TASP1: variants seen among roughly 807,000 people sequenced by gnomAD.
TASP1 encodes threonine aspartase 1.
In TASP1, 16 loss-of-function variants were observed where a neutral mutation model predicts 56.6. That is an observed-to-expected ratio of 0.28 (90% confidence interval 0.19 to 0.43). The LOEUF (loss-of-function observed/expected upper bound fraction) is 0.43. TASP1 is among the 20% of genes least tolerant of loss of function. The pLI, the probability that TASP1 is intolerant of heterozygous loss-of-function variation, is 1.00. For missense variants in TASP1, 393 were observed against 511.6 expected (o/e 0.77, Z 2.24); for synonymous variants, 179 against 184.2 (o/e 0.97, Z 0.23).
the TASP1 span, chr20:13,288,405 C>T: frequency 3.3e-6 from 3 of 905,464 alleles, no homozygotes; most frequent in South Asian, 5.3e-5. Context: ...CTTTTAGCTC[C>T]AGCTGAAAAG....
At chr20:13,242,352 GATTT>G in the TASP1 span, among the ~76,000 whole-genome samples, 1 of 152,204 alleles carries the variant, frequency 6.6e-6, no homozygotes, top group African/African-American at 2.4e-5. Flanking sequence ...AAAGGAGCAG[GATTT>G]GTTTGTTCAG....
chr20:13,197,230 AT>A, the TASP1 span, among the ~76,000 whole-genome samples: 5 of 152,210 alleles, frequency 3.3e-5, no homozygotes, highest in African/African-American at 1.2e-4. Flanking sequence ...AGGTAAGACT[AT>A]TTGTTTCATC....
At chr20:13,312,997 G>A in the TASP1 span, among the ~76,000 whole-genome samples, 5 of 152,124 alleles carry the variant, frequency 3.3e-5, no homozygotes, top group African/African-American at 1.2e-4. Context: ...TAAAATTTGA[G>A]CCTCATCTGC....
chr20:13,477,506 G>A (rs1037432357), intron 11 of TASP1, among the ~76,000 whole-genome samples: 2 of 152,010 alleles, frequency 1.3e-5, no homozygotes, highest in Non-Finnish European at 2.9e-5. Context: ...GTTAAGTACT[G>A]AGCAGGAATC....
At chr20:13,292,479 T>G in the TASP1 span, 2 of 1,527,256 alleles carry the variant, frequency 1.3e-6, no homozygotes, top group Non-Finnish European at 1.8e-6. Flanking sequence ...ATTTTTTTCT[T>G]TTTTAATCCA....
At chr20:13,383,653 T>C in the TASP1 span, among the ~76,000 whole-genome samples, 1 of 152,314 alleles carries the variant, frequency 6.6e-6, no homozygotes, top group Middle Eastern at 3.4e-3. Context: ...TGTGGAAAGA[T>C]GCTGTAGAGA....
At chr20:13,604,265 G>T (rs981414965) in intron 4 of TASP1, among the ~76,000 whole-genome samples, 2 of 152,102 alleles carry the variant, frequency 1.3e-5, no homozygotes, top group Non-Finnish European at 2.9e-5. Flanking sequence ...CTGGGTCATG[G>T]GGGCGGATAC....
At chr20:13,367,186 A>G in the TASP1 span, among the ~76,000 whole-genome samples, 111 of 152,354 alleles carry the variant, frequency 7.3e-4, no homozygotes, top group African/African-American at 2.6e-3. Context: ...AGAGTAATAG[A>G]TTTTACACGC....
rs2048404411 is a variant in TASP1 at position 13,613,110 on chromosome 20, C to T, written c.282+10336G>A. The stretch of plus-strand genomic sequence containing the variant: ...ACTGTGTTAACCTTGTTTTCCATGA[C>T]AAAATAATTACAGAATATGGACAAT... On this transcript the variant is annotated intron_variant, in intron 4 of 13. Coordinates refer to ENST00000337743, the MANE Select transcript of TASP1 (RefSeq NM_017714.3). Among the ~76,000 whole-genome samples, 4 of 151,956 alleles carry T rather than the reference C, an allele frequency of 2.6e-5. No homozygotes were observed. The South Asian group carries it at 8.3e-4, about 31-fold the overall frequency.
At chr20:13,583,640 T>C (rs2047201801) in intron 5 of TASP1, among the ~76,000 whole-genome samples, 1 of 152,220 alleles carries the variant, frequency 6.6e-6, no homozygotes, top group African/African-American at 2.4e-5. Context: ...ATAGACCTCA[T>C]GAGCGTATTG....
chr20:13,537,139 G>A (rs2045447723), intron 8 of TASP1, among the ~76,000 whole-genome samples: 1 of 152,080 alleles, frequency 6.6e-6, no homozygotes. Context: ...ATTTCAATCA[G>A]GATATTGTGA....
the TASP1 span, among the ~76,000 whole-genome samples, chr20:13,301,642 G>A: frequency 5.9e-5 from 9 of 152,190 alleles, no homozygotes; most frequent in Admixed American, 5.9e-4. Flanking sequence ...AGTAGGAAGA[G>A]AATCAATGCG....
chr20:13,523,540 G>C (rs1363413416), intron 10 of TASP1, among the ~76,000 whole-genome samples: 1 of 152,110 alleles, frequency 6.6e-6, no homozygotes, highest in Admixed American at 6.5e-5. Context: ...TTGTTAAGTT[G>C]AGAAATCAAA....
At chr20:13,444,312 C>T (rs928937968) in intron 11 of TASP1, among the ~76,000 whole-genome samples, 23 of 152,164 alleles carry the variant, frequency 1.5e-4, no homozygotes, top group African/African-American at 5.3e-4. Flanking sequence ...CTTCCCATTA[C>T]ATTTAATAAA....
At chr20:13,406,858 G>A (rs1054000411) in intron 13 of TASP1, among the ~76,000 whole-genome samples, 1 of 151,930 alleles carries the variant, frequency 6.6e-6, no homozygotes, top group Non-Finnish European at 1.5e-5. Flanking sequence ...AGTAGAGACA[G>A]GGTTTCACTA....
the TASP1 span, among the ~76,000 whole-genome samples, chr20:13,222,502 C>A: frequency 1.3e-5 from 2 of 152,058 alleles, no homozygotes; most frequent in Non-Finnish European, 2.9e-5. Flanking sequence ...GTTCCCCCCT[C>A]CCCCCTTGTG....
the TASP1 span, among the ~76,000 whole-genome samples, chr20:13,161,327 C>T: frequency 2.6e-5 from 4 of 152,136 alleles, no homozygotes; most frequent in Admixed American, 1.3e-4. Flanking sequence ...CATGTTGAGA[C>T]TATGTGTCCA....
intron 12 of TASP1, among the ~76,000 whole-genome samples, chr20:13,425,202 A>T (rs2042577960): frequency 6.6e-6 from 1 of 152,142 alleles, no homozygotes; most frequent in East Asian, 1.9e-4. Flanking sequence ...CTTAATCCCC[A>T]ATGCAAGGCT....
the TASP1 span, among the ~76,000 whole-genome samples, chr20:13,182,764 G>T: frequency 6.6e-6 from 1 of 152,174 alleles, no homozygotes; most frequent in Non-Finnish European, 1.5e-5. Flanking sequence ...AAATGAATGA[G>T]TGAAGGAACA....
Sources: allele counts gnomAD v4.1 joint callset (sites outside exome capture counted in the v4.1 genomes callset), GRCh38; gene constraint gnomAD v4.1.1; transcripts MANE v1.5; gene names NCBI Gene and HGNC (gene_info 2026-07-23, HGNC 2026-07-21).